Variants in ADAT1 observed in about 807,000 individuals in gnomAD.
ADAT1 encodes tRNA-specific adenosine deaminase 1.
In ADAT1, 58 loss-of-function variants were observed where a neutral mutation model predicts 58.6. The observed-to-expected ratio is 0.99, with a 90% CI of 0.80 to 1.23. ADAT1 has a LOEUF of 1.23. Among genes scored for constraint, ADAT1 ranks in the 50% most tolerant of loss-of-function variants. The probability of loss-of-function intolerance (pLI) is 0.00; values close to 1 mark genes in which losing one functional copy is unlikely to be tolerated. For missense variants in ADAT1, 741 were observed against 608.6 expected (o/e 1.22, Z -2.29); for synonymous variants, 254 against 220.8 (o/e 1.15, Z -1.33).
intron 6 of ADAT1, among the ~76,000 whole-genome samples, chr16:75,610,928 C>T (rs1283260339): frequency 6.6e-6 from 1 of 152,036 alleles, no homozygotes; most frequent in East Asian, 1.9e-4. Flanking sequence ...CCTGGGTAAC[C>T]CAATAACACC....
At position 75,612,763 on chromosome 16, in the gene ADAT1, T is replaced by C; in HGVS notation, c.523A>G (p.Ser175Gly). Reference protein sequence around the residue: ...WAHNSSVEASSNLEAPGNERK... With the variant: ...WAHNSSVEASGNLEAPGNERK... Reference sequence around the variant, plus strand: ...TCATTTCCAGGAGCTTCCAGGTTACTACTGGCTTCTACTGATGAGTTGTGG... The same window carrying C: ...TCATTTCCAGGAGCTTCCAGGTTACCACTGGCTTCTACTGATGAGTTGTGG... The change falls in exon 6 of 10, where the codon AGT becomes GGT. Residue 175 changes from serine to glycine, a missense_variant. Physicochemically the swap from Ser to Gly is moderately conservative, Grantham distance 56. Coordinates refer to ENST00000564657, the MANE Select transcript of ADAT1 (RefSeq NM_001324445.2). The C allele has an allele frequency of 1.2e-6, 2 of 1,614,166 alleles. No homozygotes were observed. Among genetic ancestry groups the C allele is most frequent in the Non-Finnish European group, 1.7e-6 (2 of 1,180,048 alleles).
rs1239125018 is a variant in ADAT1 at position 75,612,857 on chromosome 16, C to A, written c.429G>T (p.Gly143=). ...CAAGCATCGGAATGATGGAGGCATC[C>A]CCACCTGCAGAGAATGAACCCACTT... ...FVFFSSHTPC[G]DASIIPMLEF... The change falls in exon 6 of 10, where the codon GGG becomes GGT. Residue 143 remains glycine (G), a synonymous_variant. Transcript: ENST00000564657. 1 of 1,613,202 alleles carries A rather than the reference C, an allele frequency of 6.2e-7. No homozygotes were observed. The highest frequency in any genetic ancestry group is 1.7e-5 in the Admixed American group (1 of 59,840).
chr16:75,608,180 G>A (rs547576577), intron 8 of ADAT1, 44 bp downstream of exon 8: 1 of 1,507,098 alleles, frequency 6.6e-7, no homozygotes, highest in East Asian at 2.3e-5. Context: ...GTGGTAGAGT[G>A]TGAGTTCACA....
intron 1 of ADAT1, among the ~76,000 whole-genome samples, chr16:75,621,373 T>C (rs1458942990): frequency 1.3e-5 from 2 of 151,982 alleles, no homozygotes; most frequent in South Asian, 2.1e-4. Context: ...TACTTAAGGG[T>C]GTGGACTTTG....
At chr16:75,620,167 G>T in intron 3 of ADAT1, 99 bp downstream of exon 3, 2 of 1,151,422 alleles carry the variant, frequency 1.7e-6, no homozygotes, top group Non-Finnish European at 1.3e-6. Context: ...CAAATGCCAT[G>T]CACCTCAACT....
intron 5 of ADAT1, among the ~76,000 whole-genome samples, chr16:75,615,377 A>C (rs11149843): frequency 0.41 from 61,471 of 150,368 alleles, 16,135 homozygotes; most frequent in East Asian, 0.85. Context: ...TAATCAAACT[A>C]CATAAGTGTC....
At chr16:75,608,093 G>T in intron 8 of ADAT1, 131 bp downstream of exon 8, 1 of 705,768 alleles carries the variant, frequency 1.4e-6, no homozygotes, top group Non-Finnish European at 2.5e-6. Context: ...GGGATGAGGA[G>T]AGGGAGGGAT....
chr16:75,610,227 T>A (rs2081488221), intron 6 of ADAT1, among the ~76,000 whole-genome samples: 2 of 152,206 alleles, frequency 1.3e-5, no homozygotes, highest in Middle Eastern at 3.2e-3. Context: ...AATGGACATT[T>A]GTCTTTTTGT....
intron 9 of ADAT1, among the ~76,000 whole-genome samples, chr16:75,601,143 C>G (rs1438515789): frequency 6.6e-6 from 1 of 152,054 alleles, no homozygotes; most frequent in Non-Finnish European, 1.5e-5. Flanking sequence ...GAGTTTGAGA[C>G]CAGCCTGGCC....
chr16:75,602,025 G>C (rs967677750), intron 9 of ADAT1: 2 of 150,488 alleles, frequency 1.3e-5, no homozygotes, highest in Admixed American at 6.6e-5. Flanking sequence ...GATCACACGT[G>C]AGTTTCTGTT....
chr16:75,608,894 C>G lies in ADAT1; in HGVS notation c.1138G>C (p.Val380Leu), dbSNP rs751762218. The G allele has an allele frequency of 2.5e-6, 4 of 1,613,878 alleles. No homozygotes were observed. The highest frequency in any genetic ancestry group is 3.4e-6 in the Non-Finnish European group (4 of 1,179,948). ...GGGCTATCAGCCCTTTTTGCCTGCACCGCACTGCGGCTCTGTTCAAATAGT... is the reference window on the plus strand; with the variant it reads ...GGGCTATCAGCCCTTTTTGCCTGCAGCGCACTGCGGCTCTGTTCAAATAGT... ...DLLFEQSRSA[V>L]QAKRADSPGR... Residue 380 changes from valine (V) to leucine (L), a missense_variant, in exon 7 of 10, where the codon GTG (valine) becomes CTG (leucine). By Grantham distance (32) the Val-to-Leu change is conservative. Coordinates refer to ENST00000564657, the MANE Select transcript of ADAT1 (RefSeq NM_001324445.2).
At chr16:75,606,264 A>T (rs543648746) in intron 8 of ADAT1, among the ~76,000 whole-genome samples, 1 of 152,344 alleles carries the variant, frequency 6.6e-6, no homozygotes, top group African/African-American at 2.4e-5. Context: ...AGAAAACGGG[A>T]TAAAAAGCTA....
intron 6 of ADAT1, 93 bp downstream of exon 6, chr16:75,612,150 C>T: frequency 7.3e-7 from 1 of 1,369,112 alleles, no homozygotes; most frequent in African/African-American, 1.5e-5. Context: ...ACTGCTGGAT[C>T]AAAAGGTATG....
Position 75,620,350 on chromosome 16 carries a change from A to C in ADAT1, c.170-16T>G, listed in dbSNP as rs751993868. On this transcript the variant is annotated splice_polypyrimidine_tract_variant and intron_variant, in intron 2 of 9. Transcript: ENST00000564657. ...TCCTTTGTCACTGTGGGAAAAAAAC[A>C]AATCGTGTGAGTTCTGAGAAACGGA... is the stretch of plus-strand genomic sequence containing the variant. 3.5e-5 allele frequency: 57 copies of C among 1,613,580 alleles called. 1 individual carries two copies. The Admixed American group carries it at 9.3e-4, about 26-fold the overall frequency.
chr16:75,604,703 G>C (rs1187730861), intron 8 of ADAT1, among the ~76,000 whole-genome samples: 2 of 151,694 alleles, frequency 1.3e-5, no homozygotes, highest in Non-Finnish European at 2.9e-5. Context: ...AGGACAAGGG[G>C]GACTTGCTAT....
At chr16:75,613,088 C>G (rs2081599829) in intron 5 of ADAT1, among the ~76,000 whole-genome samples, 1 of 152,122 alleles carries the variant, frequency 6.6e-6, no homozygotes, top group African/African-American at 2.4e-5. Flanking sequence ...CATCTATTCT[C>G]CCAGCTGACC....
At position 75,603,183 on chromosome 16, in the gene ADAT1, A is replaced by C; in HGVS notation, c.1290-12T>G. ...TGCTGATTTGGGATCTGTTTGGAAA[A>C]AGAAGGCAAAGATGATTTATTAAGT... On this transcript the variant is annotated splice_polypyrimidine_tract_variant and intron_variant, in intron 8 of 9. Transcript: ENST00000564657. 1 of 1,605,478 alleles carries C rather than the reference A, an allele frequency of 6.2e-7. No homozygotes were observed. The highest frequency in any genetic ancestry group is 8.5e-7 in the Non-Finnish European group (1 of 1,172,310).
chr16:75,618,367 A>T (rs1463937335), intron 4 of ADAT1, among the ~76,000 whole-genome samples: 1 of 151,740 alleles, frequency 6.6e-6, no homozygotes, highest in Non-Finnish European at 1.5e-5. Context: ...TTAGTTGAGC[A>T]TGGTGGCACG....
chr16:75,604,974 C>T (rs563788022), intron 8 of ADAT1, among the ~76,000 whole-genome samples: 1 of 150,134 alleles, frequency 6.7e-6, no homozygotes, highest in South Asian at 2.1e-4. Context: ...ACCAAACCCT[C>T]TTCTTCTTCT....
Sources: gnomAD v4.1 joint callset for allele counts (sites outside exome capture counted in the v4.1 genomes callset) on GRCh38, gnomAD v4.1.1 for gene constraint, MANE v1.5 for transcripts, NCBI Gene and HGNC (gene_info 2026-07-23, HGNC 2026-07-21) for gene names.